The following MAPKAP1 variants were observed in gnomAD, a reference collection of about 807,000 sequenced individuals.
The protein encoded by MAPKAP1 is target of rapamycin complex 2 subunit MAPKAP1.
MAPKAP1 carries 20 observed loss-of-function variants against 65.7 expected under a neutral mutation model. That is an observed-to-expected ratio of 0.30 (90% confidence interval 0.21 to 0.44). The LOEUF is 0.44. MAPKAP1 is among the 20% of genes least tolerant of loss of function. The pLI is 1.00. For synonymous variants in MAPKAP1, 222 were observed against 244.3 expected (o/e 0.91, Z 0.85); for missense variants, 423 against 648.0 (o/e 0.65, Z 3.77).
chr9:125,525,706 C>CA (rs72340047), intron 7 of MAPKAP1, among the ~76,000 whole-genome samples: 4,834 of 100,836 alleles, frequency 0.048, 130 homozygotes, highest in African/African-American at 0.085. Flanking sequence ...CAAAAACAAA[C>CA]AAAAAAAAAA....
At chr9:125,477,020 A>G (rs188962168) in intron 9 of MAPKAP1, among the ~76,000 whole-genome samples, 2 of 152,294 alleles carry the variant, frequency 1.3e-5, no homozygotes, top group East Asian at 3.9e-4. Context: ...ATTGTACTTG[A>G]TATTTTCATA....
intron 8 of MAPKAP1, among the ~76,000 whole-genome samples, chr9:125,495,650 T>C (rs1446698390): frequency 6.6e-6 from 1 of 152,166 alleles, no homozygotes; most frequent in African/African-American, 2.4e-5. Flanking sequence ...GGGGAACTTT[T>C]AGAGAAAGAA....
At chr9:125,668,056 A>G (rs1257089339) in intron 3 of MAPKAP1, among the ~76,000 whole-genome samples, 1 of 152,196 alleles carries the variant, frequency 6.6e-6, no homozygotes, top group African/African-American at 2.4e-5. Flanking sequence ...AGTAAGAAAA[A>G]CAAGTAATTG....
chr9:125,577,543 G>A (rs1325260277), intron 5 of MAPKAP1, among the ~76,000 whole-genome samples: 13 of 124,882 alleles, frequency 1.0e-4, no homozygotes, highest in Admixed American at 1.6e-4. Flanking sequence ...CTGGCCGGCC[G>A]CCCCGTCCAG....
chr9:125,446,912 T>G (rs1279763533), intron 10 of MAPKAP1, among the ~76,000 whole-genome samples: 1 of 152,182 alleles, frequency 6.6e-6, no homozygotes, highest in Non-Finnish European at 1.5e-5. Context: ...GAGCCCAATC[T>G]ATACACAGCA....
intron 5 of MAPKAP1, among the ~76,000 whole-genome samples, chr9:125,574,007 C>A (rs1309701075): frequency 6.6e-6 from 1 of 152,246 alleles, no homozygotes; most frequent in Non-Finnish European, 1.5e-5. Context: ...GCTCTACTCA[C>A]CACTGTATAC....
intron 4 of MAPKAP1, among the ~76,000 whole-genome samples, chr9:125,610,109 T>C (rs1285907101): frequency 6.6e-6 from 1 of 152,182 alleles, no homozygotes; most frequent in East Asian, 1.9e-4. Context: ...AAGTTCTTAT[T>C]TGAAAAAACA....
intron 5 of MAPKAP1, among the ~76,000 whole-genome samples, chr9:125,576,084 G>A (rs1589302193): frequency 6.6e-6 from 1 of 152,194 alleles, no homozygotes; most frequent in Admixed American, 6.5e-5. Context: ...AGTCTGAAAA[G>A]GCTACATATG....
intron 4 of MAPKAP1, among the ~76,000 whole-genome samples, chr9:125,631,098 A>C (rs1242136274): frequency 6.9e-6 from 1 of 144,756 alleles, no homozygotes; most frequent in African/African-American, 2.5e-5. Context: ...TCCTGTCTCA[A>C]AAAAAAAAAA....
intron 7 of MAPKAP1, among the ~76,000 whole-genome samples, chr9:125,517,983 G>A (rs888341890): frequency 3.9e-5 from 6 of 152,212 alleles, no homozygotes; most frequent in African/African-American, 1.2e-4. Context: ...ACTCAACTCT[G>A]TCTTCCCAGG....
chr9:125,693,830 CATATATATACACACAT>C (rs1338933428), intron 1 of MAPKAP1, among the ~76,000 whole-genome samples: 74 of 100,396 alleles, frequency 7.4e-4, no homozygotes, highest in Non-Finnish European at 1.3e-3. Flanking sequence ...CACACACACA[CATATATATACACACAT>C]ACACACACAC....
At chr9:125,588,670 A>G (rs557029816) in intron 4 of MAPKAP1, among the ~76,000 whole-genome samples, 7 of 152,310 alleles carry the variant, frequency 4.6e-5, no homozygotes, top group African/African-American at 1.4e-4. Context: ...AAATTATTCT[A>G]CAGTACTCTT....
At chr9:125,446,754 T>C (rs1852732569) in intron 10 of MAPKAP1, among the ~76,000 whole-genome samples, 1 of 152,192 alleles carries the variant, frequency 6.6e-6, no homozygotes, top group African/African-American at 2.4e-5. Flanking sequence ...CGGGGTTCAC[T>C]GACCACTTTG....
At chr9:125,655,484 T>C (rs1307029547) in intron 4 of MAPKAP1, among the ~76,000 whole-genome samples, 1 of 152,222 alleles carries the variant, frequency 6.6e-6, no homozygotes. Context: ...GTTATTTGAA[T>C]AGTCATTTTA....
intron 4 of MAPKAP1, among the ~76,000 whole-genome samples, chr9:125,593,189 A>G (rs540987249): frequency 6.6e-6 from 1 of 152,208 alleles, no homozygotes; most frequent in East Asian, 1.9e-4. Context: ...CTATAGTCCC[A>G]GCTACCCCAG....
At chr9:125,450,373 G>A (rs887834779) in intron 10 of MAPKAP1, among the ~76,000 whole-genome samples, 5 of 152,134 alleles carry the variant, frequency 3.3e-5, no homozygotes, top group Non-Finnish European at 7.4e-5. Flanking sequence ...TGCCATTCAC[G>A]GTCTCTTTCC....
chr9:125,702,324 C>T (rs973596499), intron 1 of MAPKAP1, among the ~76,000 whole-genome samples: 2 of 152,030 alleles, frequency 1.3e-5, no homozygotes, highest in African/African-American at 4.8e-5. Context: ...CACCTGAGGT[C>T]GGGAGTTCGA....
chr9:125,522,755 GT>G lies in MAPKAP1; in HGVS notation c.959-16339del, dbSNP rs147002588. ...TTCACAACTTCCTTGCAGGCTACTAGTTTAGATGCAAATTCCTTACCCCACT... is the reference window on the plus strand; with the variant it reads ...TTCACAACTTCCTTGCAGGCTACTAGTTAGATGCAAATTCCTTACCCCACT... On this transcript the variant is annotated intron_variant, in intron 7 of 11. Coordinates refer to ENST00000265960, the MANE Select transcript of MAPKAP1 (RefSeq NM_001006617.3). Among the ~76,000 whole-genome samples the G allele has an allele frequency of 1.3e-3, 198 of 152,258 alleles. 1 individual carries two copies. Among genetic ancestry groups the G allele is most frequent in the African/African-American group, 4.6e-3 (191 of 41,552 alleles).
Position 125,521,852 on chromosome 9 carries a change from T to C in MAPKAP1, c.959-15435A>G, listed in dbSNP as rs535333700. Reference sequence around the variant, plus strand: ...CTACATGAAAGTGGTGACTCCAACCTGAGTCAGTGGAGAGCAAGCTTAGAG... The same window carrying C: ...CTACATGAAAGTGGTGACTCCAACCCGAGTCAGTGGAGAGCAAGCTTAGAG... On this transcript the variant is annotated intron_variant, in intron 7 of 11. Transcript: ENST00000265960. 5.6e-6 allele frequency: 7 copies of C among 1,249,880 alleles called. No homozygotes were observed. The African/African-American group carries it at 9.0e-5, about 16-fold the overall frequency. 77.4% of individuals were successfully genotyped at this position (1,249,880 alleles called of 1,614,324 possible).
Sources: allele counts gnomAD v4.1 joint callset (sites outside exome capture counted in the v4.1 genomes callset), GRCh38; gene constraint gnomAD v4.1.1; transcripts MANE v1.5; gene names NCBI Gene and HGNC (gene_info 2026-07-23, HGNC 2026-07-21).